Variants in PBX1 observed in about 807,000 individuals in gnomAD.
PBX1 encodes the protein pre-B-cell leukemia transcription factor 1.
In PBX1, 6 loss-of-function variants were observed where a neutral mutation model predicts 53.4. The ratio of observed to expected loss-of-function variants is 0.11; its 90% CI spans 0.06 to 0.22. PBX1 has a LOEUF of 0.22. PBX1 is among the 10% of genes least tolerant of loss of function. The pLI is 1.00. For missense variants in PBX1, 251 were observed against 551.4 expected (o/e 0.46, Z 5.46); for synonymous variants, 204 against 212.3 (o/e 0.96, Z 0.34).
chr1:164,656,645 T>C (rs968408216), intron 2 of PBX1, among the ~76,000 whole-genome samples: 2 of 152,172 alleles, frequency 1.3e-5, no homozygotes, highest in African/African-American at 4.8e-5. Context: ...CAATTTAAGA[T>C]TGAGTGATGG....
chr1:164,705,544 G>A (rs1663377827), intron 2 of PBX1, among the ~76,000 whole-genome samples: 2 of 152,094 alleles, frequency 1.3e-5, no homozygotes, highest in South Asian at 2.1e-4. Context: ...ATGTGTTTAT[G>A]GATATAATCA....
intron 2 of PBX1, among the ~76,000 whole-genome samples, chr1:164,661,995 A>C (rs986396037): frequency 2.0e-5 from 3 of 152,132 alleles, no homozygotes; most frequent in Admixed American, 2.0e-4. Flanking sequence ...TAACAAATCA[A>C]TTCTTCCCAG....
intron 6 of PBX1, chr1:164,819,289 A>G (rs1670027480): frequency 6.6e-6 from 1 of 152,142 alleles, no homozygotes; most frequent in East Asian, 1.9e-4. Context: ...CAGATGGCTA[A>G]TGGCCCTTCT....
intron 2 of PBX1, among the ~76,000 whole-genome samples, chr1:164,634,961 G>C (rs1443779087): frequency 1.3e-5 from 2 of 152,060 alleles, no homozygotes; most frequent in Non-Finnish European, 2.9e-5. Context: ...CATGTTGCCT[G>C]CCTGTAGAGA....
intron 2 of PBX1, among the ~76,000 whole-genome samples, chr1:164,862,065 G>T (rs543575928): frequency 3.0e-4 from 45 of 152,294 alleles, no homozygotes; most frequent in African/African-American, 1.1e-3. Context: ...AGCATTATAT[G>T]ACTTAAGTTT....
chr1:164,645,243 C>G (rs1290235819), intron 2 of PBX1, among the ~76,000 whole-genome samples: 1 of 152,162 alleles, frequency 6.6e-6, no homozygotes, highest in Non-Finnish European at 1.5e-5. Context: ...GATTCCCCCC[C>G]TTCTTTTGGT....
chr1:164,809,821 C>A (rs186794369), intron 5 of PBX1, among the ~76,000 whole-genome samples: 1 of 152,232 alleles, frequency 6.6e-6, no homozygotes, highest in Admixed American at 6.5e-5. Context: ...CCTAAAGAGC[C>A]CTTTTTCTAT....
At chr1:164,749,691 A>C (rs952368278) in intron 2 of PBX1, among the ~76,000 whole-genome samples, 1 of 152,136 alleles carries the variant, frequency 6.6e-6, no homozygotes, top group Admixed American at 6.6e-5. Flanking sequence ...GAGTGGATGG[A>C]TGGATGGGAG....
chr1:164,822,079 C>A (rs547090143), intron 8 of PBX1, among the ~76,000 whole-genome samples: 1 of 152,048 alleles, frequency 6.6e-6, no homozygotes, highest in South Asian at 2.1e-4. Context: ...AAAATTAACA[C>A]AGAAGCTGGG....
At chr1:164,634,364 A>G (rs1052578018) in intron 2 of PBX1, among the ~76,000 whole-genome samples, 1 of 152,214 alleles carries the variant, frequency 6.6e-6, no homozygotes, top group Non-Finnish European at 1.5e-5. Flanking sequence ...TGGTTATAAT[A>G]AAACACCGAT....
intron 2 of PBX1, among the ~76,000 whole-genome samples, chr1:164,782,186 A>G (rs574063704): frequency 6.6e-6 from 1 of 152,300 alleles, no homozygotes; most frequent in South Asian, 2.1e-4. Context: ...TGCCCAGCCC[A>G]GCTCATGGGC....
At chr1:164,759,690 A>G (rs529539202) in intron 2 of PBX1, among the ~76,000 whole-genome samples, 31 of 152,318 alleles carry the variant, frequency 2.0e-4, no homozygotes, top group African/African-American at 7.5e-4. Context: ...GCCAAGCTGC[A>G]GCGAGGCAAC....
At chr1:164,831,871 T>C (rs554416465) in intron 8 of PBX1, among the ~76,000 whole-genome samples, 1 of 152,266 alleles carries the variant, frequency 6.6e-6, no homozygotes, top group East Asian at 1.9e-4. Flanking sequence ...CATTCTATCT[T>C]ATAGCCAAGC....
At chr1:164,682,950 G>A (rs993601152) in intron 2 of PBX1, 11 of 152,166 alleles carry the variant, frequency 7.2e-5, no homozygotes, top group African/African-American at 2.4e-4. Flanking sequence ...TCCCATAGGC[G>A]AGTACTGCTC....
intron 2 of PBX1, among the ~76,000 whole-genome samples, chr1:164,691,893 C>T (rs1387934713): frequency 2.0e-5 from 3 of 152,036 alleles, no homozygotes; most frequent in Non-Finnish European, 4.4e-5. Flanking sequence ...ACTACACAGT[C>T]AAAGCATAGT....
chr1:164,603,888 C>T (rs547997744), intron 2 of PBX1, among the ~76,000 whole-genome samples: 2 of 141,208 alleles, frequency 1.4e-5, no homozygotes, highest in African/African-American at 5.4e-5. Flanking sequence ...ATACTGTTTG[C>T]TAGACATTAA....
chr1:164,752,095 A>G (rs1254760842), intron 2 of PBX1, among the ~76,000 whole-genome samples: 1 of 152,042 alleles, frequency 6.6e-6, no homozygotes, highest in African/African-American at 2.4e-5. Context: ...TGGCAAAGTC[A>G]CCAACACTAT....
intron 2 of PBX1, among the ~76,000 whole-genome samples, chr1:164,675,096 A>G (rs1661358447): frequency 6.6e-6 from 1 of 152,104 alleles, no homozygotes; most frequent in Admixed American, 6.5e-5. Flanking sequence ...CTGATGTCAC[A>G]CAGCTGGTAG....
intron 2 of PBX1, among the ~76,000 whole-genome samples, chr1:164,870,328 T>C (rs1454283743): frequency 5.1e-5 from 6 of 117,434 alleles, no homozygotes; most frequent in East Asian, 2.3e-4. Flanking sequence ...TTTCTTTCTT[T>C]CTTTCTTTCT....
Sources: gnomAD v4.1 joint callset for allele counts (sites outside exome capture counted in the v4.1 genomes callset) on GRCh38, gnomAD v4.1.1 for gene constraint, MANE v1.5 for transcripts, NCBI Gene and HGNC (gene_info 2026-07-23, HGNC 2026-07-21) for gene names.